The following TBC1D12 variants were observed in gnomAD, a reference collection of about 807,000 sequenced individuals.
TBC1D12 encodes the protein TBC1 domain family, member 12.
TBC1D12 carries 56 observed loss-of-function variants against 86.7 expected under a neutral mutation model. That is an observed-to-expected ratio of 0.65 (90% CI 0.52 to 0.81). The LOEUF (loss-of-function observed/expected upper bound fraction) is 0.81. Among genes scored for constraint, TBC1D12 ranks in the 30% least tolerant of loss-of-function variants. The pLI, the probability that TBC1D12 is intolerant of heterozygous loss-of-function variation, is 0.00. For missense variants in TBC1D12, 1,023 were observed against 1,038.8 expected, an observed-to-expected ratio of 0.98 and a Z score of 0.21; for synonymous variants, 421 against 411.7, an observed-to-expected ratio of 1.02 and a Z score of -0.27.
chr10:94,525,556 A>G (rs1456220266), intron 11 of TBC1D12, among the ~76,000 whole-genome samples: 1 of 148,964 alleles, frequency 6.7e-6, no homozygotes, highest in Non-Finnish European at 1.5e-5. Context: ...GTAAGTCAGG[A>G]GGCTGAGGCA....
At chr10:94,421,758 G>A (rs552774830) in intron 1 of TBC1D12, among the ~76,000 whole-genome samples, 1 of 152,218 alleles carries the variant, frequency 6.6e-6, no homozygotes, top group South Asian at 2.1e-4. Context: ...TGTGATTTTG[G>A]TTTGCATTTT....
At chr10:94,406,263 A>G (rs900239939) in intron 1 of TBC1D12, among the ~76,000 whole-genome samples, 3 of 152,228 alleles carry the variant, frequency 2.0e-5, no homozygotes, top group Non-Finnish European at 4.4e-5. Flanking sequence ...ATATAGCTAG[A>G]TGACATTCAT....
intron 3 of TBC1D12, among the ~76,000 whole-genome samples, chr10:94,475,068 G>A (rs1256636044): frequency 2.0e-5 from 3 of 152,054 alleles, no homozygotes; most frequent in African/African-American, 4.8e-5. Context: ...TGCACTGCTG[G>A]CCCTAGTAGA....
chr10:94,509,977 GATT>G (rs2056506914), intron 7 of TBC1D12, 111 bp from the exon 8 acceptor site: 4 of 705,282 alleles, frequency 5.7e-6, no homozygotes, highest in Non-Finnish European at 7.1e-6. Context: ...ATAATTTCTT[GATT>G]ATTCAGCTTT....
At chr10:94,451,925 T>A (rs956255783) in intron 2 of TBC1D12, among the ~76,000 whole-genome samples, 3 of 152,040 alleles carry the variant, frequency 2.0e-5, no homozygotes, top group East Asian at 1.9e-4. Flanking sequence ...ATCATTTTTT[T>A]AAATTATTAA....
At chr10:94,469,486 T>G (rs1336031771) in intron 2 of TBC1D12, among the ~76,000 whole-genome samples, 20 of 144,904 alleles carry the variant, frequency 1.4e-4, no homozygotes, top group Admixed American at 1.3e-3. Flanking sequence ...TCTCATTCTG[T>G]CACTCACGCT....
intron 3 of TBC1D12, among the ~76,000 whole-genome samples, chr10:94,492,975 G>A (rs964584849): frequency 6.6e-6 from 1 of 152,136 alleles, no homozygotes; most frequent in Non-Finnish European, 1.5e-5. Context: ...AATCTGAAAT[G>A]GACTGGGCTC....
At chr10:94,408,923 T>A (rs889686495) in intron 1 of TBC1D12, among the ~76,000 whole-genome samples, 6 of 152,252 alleles carry the variant, frequency 3.9e-5, no homozygotes, top group Admixed American at 3.3e-4. Context: ...AAACCTGTTT[T>A]GTTCAGGATC....
chr10:94,532,713 A>G (rs1166567722), intron 12 of TBC1D12, among the ~76,000 whole-genome samples: 2 of 152,210 alleles, frequency 1.3e-5, no homozygotes. Flanking sequence ...AAGTTAAGTG[A>G]CATAAAAGGA....
chr10:94,514,458 C>A (rs1422356885), intron 9 of TBC1D12, among the ~76,000 whole-genome samples: 4 of 152,192 alleles, frequency 2.6e-5, no homozygotes, highest in Admixed American at 6.5e-5. Flanking sequence ...CACTATTCTA[C>A]TCTTTGCTTC....
intron 2 of TBC1D12, among the ~76,000 whole-genome samples, chr10:94,456,092 G>T (rs1001120667): frequency 6.6e-6 from 1 of 152,090 alleles, no homozygotes; most frequent in African/African-American, 2.4e-5. Context: ...ATGGCAAGAG[G>T]ATTATAAATT....
intron 2 of TBC1D12, chr10:94,447,661 G>A: frequency 1.0e-6 from 1 of 984,820 alleles, no homozygotes; most frequent in Non-Finnish European, 1.2e-6. Context: ...GTGGCCTTTT[G>A]AACCAGTTGG....
Position 94,533,197 on chromosome 10 carries a change from C to T in TBC1D12, c.*101C>T. The T allele has an allele frequency of 1.6e-6, 1 of 631,216 alleles. No individual in the cohort carries two copies. The highest frequency in any genetic ancestry group is 2.6e-6 in the Non-Finnish European group (1 of 380,066). The allele number at this position is 631,216 out of a possible 1,614,324, so 39.1% of individuals were successfully genotyped here. On this transcript the variant is annotated 3_prime_UTR_variant, in exon 13 of 13. Coordinates refer to ENST00000225235, the MANE Select transcript of TBC1D12 (RefSeq NM_015188.2). ...GCGTGGAAGAAAATGTTGGAGATAC[C>T]TAAAAGAATCAAGAGGTGGAAAACT...
At chr10:94,458,729 T>C (rs2055669347) in intron 2 of TBC1D12, among the ~76,000 whole-genome samples, 1 of 152,166 alleles carries the variant, frequency 6.6e-6, no homozygotes, top group Non-Finnish European at 1.5e-5. Context: ...ACCTTCATGG[T>C]GAGTGTTATA....
intron 9 of TBC1D12, among the ~76,000 whole-genome samples, chr10:94,513,890 A>G (rs559270976): frequency 2.6e-5 from 4 of 152,236 alleles, no homozygotes; most frequent in African/African-American, 9.6e-5. Context: ...ATAACGTTGT[A>G]TAATTAAAAC....
intron 9 of TBC1D12, among the ~76,000 whole-genome samples, chr10:94,513,249 C>A (rs10786167): frequency 1 from 147,723 of 148,236 alleles, 73,606 homozygotes; most frequent in East Asian, 1. Flanking sequence ...CTCTGTCTCA[C>A]AAAAAAAAAA....
In TBC1D12 at chr10:94,500,265, C is replaced by G; in HGVS notation, c.1457C>G (p.Pro486Arg). ...CGAGAATTGTGGTGGCAGGGATTGC[C>G]CCCTAGTGTCCGTGGGAAAGTTTGG... is the stretch of plus-strand genomic sequence containing the variant. ...RVRELWWQGL[P>R]PSVRGKVWSL... The change falls in exon 6 of 13, where the codon CCC becomes CGC. Residue 486 changes from proline to arginine, a missense_variant. Transcript: ENST00000225235. 6.2e-7 allele frequency: 1 copy of G among 1,613,904 alleles called. No homozygotes were observed. Among genetic ancestry groups the G allele is most frequent in the Non-Finnish European group, 8.5e-7 (1 of 1,179,910 alleles).
At chr10:94,497,515 C>CTTTTTTTT (rs34789814) in intron 5 of TBC1D12, among the ~76,000 whole-genome samples, 2 of 98,094 alleles carry the variant, frequency 2.0e-5, no homozygotes, top group African/African-American at 4.4e-5. Flanking sequence ...TCTGCTAAAT[C>CTTTTTTTT]TTTTTTTTTT....
At chr10:94,465,710 A>T (rs1287086682) in intron 2 of TBC1D12, among the ~76,000 whole-genome samples, 1 of 120,572 alleles carries the variant, frequency 8.3e-6, no homozygotes, top group East Asian at 4.4e-4. Flanking sequence ...ATATATACGT[A>T]TACGTATACA....
Sources: gnomAD v4.1 joint callset for allele counts (sites outside exome capture counted in the v4.1 genomes callset) on GRCh38, gnomAD v4.1.1 for gene constraint, MANE v1.5 for transcripts, NCBI Gene and HGNC (gene_info 2026-07-23, HGNC 2026-07-21) for gene names.